SUGP1: variants seen among roughly 807,000 people sequenced by gnomAD.
SUGP1 encodes the protein SURP and G-patch domain containing 1.
A neutral mutation model predicts 76.5 loss-of-function variants in SUGP1; 34 were observed. That is an observed-to-expected ratio of 0.44 (90% CI 0.34 to 0.59). The LOEUF (loss-of-function observed/expected upper bound fraction) is 0.59. SUGP1 is among the 20% of genes least tolerant of loss of function. SUGP1 has a pLI of 0.01. For synonymous variants in SUGP1, 326 were observed against 326.2 expected, an observed-to-expected ratio of 1.00 and a Z score of 0.01; for missense variants, 752 against 851.7, an observed-to-expected ratio of 0.88 and a Z score of 1.46.
intron 8 of SUGP1, among the ~76,000 whole-genome samples, chr19:19,294,897 C>A (rs1192559928): frequency 6.6e-6 from 1 of 151,840 alleles, no homozygotes; most frequent in Non-Finnish European, 1.5e-5. Context: ...AAAAGACAAC[C>A]CATAGAATGA....
intron 2 of SUGP1, 154 bp downstream of exon 2, chr19:19,316,268 A>G: frequency 2.1e-6 from 2 of 931,672 alleles, no homozygotes; most frequent in Non-Finnish European, 3.1e-6. Flanking sequence ...CTCTTGCCAC[A>G]GTGAGCCTCC....
chr19:19,296,843 G>T, intron 8 of SUGP1, 146 bp downstream of exon 8: 1 of 651,852 alleles, frequency 1.5e-6, no homozygotes, highest in Non-Finnish European at 2.4e-6. Flanking sequence ...TAAGCCAAAT[G>T]TGGTATGTAC....
rs1290819987 is a variant in SUGP1 at position 19,276,960 on chromosome 19, C to T, written c.1898G>A (p.Arg633Gln). ...GGACATGCGTACCAGGGGGTTGGGC[C>T]GGAAGCGGTAGGCCAGCATCATCCT... Reference protein sequence around the residue: ...RKRMMLAYRFRPNPLNNPRRP... With the variant: ...RKRMMLAYRFQPNPLNNPRRP... Residue 633 changes from arginine (R) to glutamine (Q), a missense_variant, in exon 13 of 14, where the codon CGG (arginine) becomes CAG (glutamine). Arg to Gln is a conservative substitution (Grantham distance 43, BLOSUM62 1). This residue lies in a region of SUGP1 where 132 missense variants were observed against 234.4 expected (regional missense o/e 0.56). Coordinates refer to ENST00000247001, the MANE Select transcript of SUGP1 (RefSeq NM_172231.4). 3.7e-6 allele frequency: 6 copies of T among 1,613,092 alleles called. No individual in the cohort carries two copies. Among genetic ancestry groups the T allele is most frequent in the Non-Finnish European group, 5.1e-6 (6 of 1,180,004 alleles).
In SUGP1 at chr19:19,316,584, T is replaced by C. The variant is rs1199294539; in HGVS notation, c.44A>G (p.Asn15Ser). 2 of 1,613,906 alleles carry C rather than the reference T, an allele frequency of 1.2e-6. No homozygotes were observed. The highest frequency in any genetic ancestry group is 1.1e-5 in the South Asian group (1 of 91,074). ...AGGGGGAGCAACCCCAAACCACCGG[T>C]TAGCCTTTCCTGGGGAGGGAAAAGG... ...MDNRDVAGKA[N>S]RWFGVAPPKS... is the part of the protein sequence containing the mutation. The change falls in exon 2 of 14, where the codon AAC (asparagine) becomes AGC (serine). Residue 15 changes from asparagine (N) to serine (S), a missense_variant. Coordinates refer to ENST00000247001, the MANE Select transcript of SUGP1 (RefSeq NM_172231.4).
At chr19:19,291,577 G>A (rs1462328337) in intron 8 of SUGP1, among the ~76,000 whole-genome samples, 1 of 151,784 alleles carries the variant, frequency 6.6e-6, no homozygotes, top group Non-Finnish European at 1.5e-5. Context: ...ATCAGGATTC[G>A]AAAAAACCTT....
At chr19:19,285,661 G>A (rs2061133936) in intron 8 of SUGP1, among the ~76,000 whole-genome samples, 1 of 152,108 alleles carries the variant, frequency 6.6e-6, no homozygotes, top group African/African-American at 2.4e-5. Context: ...AATCTCCCAG[G>A]CTCAAGTGAA....
At chr19:19,308,739 A>C (rs747658693) in intron 3 of SUGP1, among the ~76,000 whole-genome samples, 1 of 152,252 alleles carries the variant, frequency 6.6e-6, no homozygotes, top group Non-Finnish European at 1.5e-5. Context: ...CCATCTCCCA[A>C]AGTGGTCTCA....
chr19:19,286,649 G>C (rs2146597675), intron 8 of SUGP1, among the ~76,000 whole-genome samples: 1 of 152,336 alleles, frequency 6.6e-6, no homozygotes, highest in African/African-American at 2.4e-5. Flanking sequence ...TTGGGAGGCT[G>C]AGGCGGGGAG....
chr19:19,303,552 G>T (rs1037479253), intron 5 of SUGP1, 104 bp from the exon 6 acceptor site: 2 of 1,351,520 alleles, frequency 1.5e-6, no homozygotes, highest in Non-Finnish European at 2.1e-6. Context: ...GGCGAGCAGG[G>T]ACCCGAAAGC....
intron 2 of SUGP1, among the ~76,000 whole-genome samples, chr19:19,311,450 G>A (rs752433635): frequency 2.0e-5 from 3 of 152,036 alleles, no homozygotes; most frequent in Non-Finnish European, 2.9e-5. Flanking sequence ...TGCCCAGGCT[G>A]GGCGCGGTGG....
At position 19,276,690 on chromosome 19, in the gene SUGP1, C is replaced by G. The variant is rs373773166; in HGVS notation, c.1912-16G>C. 5.0e-6 allele frequency: 8 copies of G among 1,613,982 alleles called. No individual in the cohort carries two copies. In the African/African-American group the frequency reaches 1.1e-4, roughly 22 times the overall value. ...TGGGATTGTTCTGTGGAAGGCAAAA[C>G]AGATAACAGGAGGAGGGGATTAGCA... On this transcript the variant is annotated splice_polypyrimidine_tract_variant and intron_variant, in intron 13 of 13. Coordinates refer to ENST00000247001, the MANE Select transcript of SUGP1 (RefSeq NM_172231.4).
intron 2 of SUGP1, among the ~76,000 whole-genome samples, chr19:19,312,888 G>A (rs1031266706): frequency 2.0e-5 from 3 of 151,850 alleles, no homozygotes; most frequent in Non-Finnish European, 4.4e-5. Flanking sequence ...TACTCAGGAG[G>A]CTGAGGCAGG....
intron 8 of SUGP1, among the ~76,000 whole-genome samples, chr19:19,294,594 G>A (rs1252344917): frequency 1.3e-5 from 2 of 151,550 alleles, no homozygotes; most frequent in East Asian, 1.9e-4. Flanking sequence ...GAAACACAGG[G>A]GTAAATTTTC....
At chr19:19,305,155 G>C (rs1485457582) in intron 4 of SUGP1, among the ~76,000 whole-genome samples, 1 of 152,208 alleles carries the variant, frequency 6.6e-6, no homozygotes, top group African/African-American at 2.4e-5. Flanking sequence ...AGAAGCAAGG[G>C]ATCTCAAGGC....
chr19:19,290,501 G>A (rs549375072), intron 8 of SUGP1, among the ~76,000 whole-genome samples: 2 of 152,006 alleles, frequency 1.3e-5, no homozygotes, highest in Admixed American at 6.6e-5. Flanking sequence ...AAAATTAGCC[G>A]GGCATGGTGG....
chr19:19,315,997 A>G (rs1275883059), intron 2 of SUGP1, among the ~76,000 whole-genome samples: 1 of 151,838 alleles, frequency 6.6e-6, no homozygotes, highest in Non-Finnish European at 1.5e-5. Context: ...ATGCCCAGCT[A>G]ATTTTTTGTA....
In SUGP1 at chr19:19,276,468, C is replaced by A; in HGVS notation, c.*180G>T. The A allele has an allele frequency of 2.9e-6, 2 of 686,308 alleles. 1 individual carries two copies. Among genetic ancestry groups the A allele is most frequent in the South Asian group, 3.6e-5 (2 of 55,268 alleles). 42.5% of individuals were successfully genotyped at this position (686,308 alleles called of 1,614,324 possible). A position where few individuals can be genotyped will look rare whatever the true frequency, so the allele number is the denominator to read the frequency against. ...GAGCCCCGAGACAGCATCTTGCATC[C>A]CGCTGCTAACAGGAGGGGCTTCCTG... On this transcript the variant is annotated 3_prime_UTR_variant, in exon 14 of 14. Coordinates refer to ENST00000247001, the MANE Select transcript of SUGP1 (RefSeq NM_172231.4).
intron 2 of SUGP1, among the ~76,000 whole-genome samples, chr19:19,310,683 G>A (rs760575442): frequency 2.0e-4 from 30 of 151,936 alleles, no homozygotes; most frequent in Non-Finnish European, 3.4e-4. Context: ...TTACTCTGTC[G>A]CCCAGGCTGG....
chr19:19,306,985 C>A (rs1278425612), intron 3 of SUGP1, among the ~76,000 whole-genome samples: 3 of 152,056 alleles, frequency 2.0e-5, no homozygotes, highest in Non-Finnish European at 4.4e-5. Context: ...AGCTCACCAC[C>A]CTGAGAGCAG....
Sources: gnomAD v4.1 joint callset for allele counts (sites outside exome capture counted in the v4.1 genomes callset) on GRCh38, gnomAD v4.1.1 for gene constraint, gnomAD v4.1.1 regional missense constraint, MANE v1.5 for transcripts, NCBI Gene and HGNC (gene_info 2026-07-23, HGNC 2026-07-21) for gene names.